The following SEMA5A variants were observed in gnomAD, a reference collection of about 807,000 sequenced individuals.
SEMA5A encodes semaphorin 5A.
Under a neutral mutation model 135.5 loss-of-function variants are expected in SEMA5A, and 55 were observed. That is an observed-to-expected ratio of 0.41 (90% CI 0.33 to 0.51). SEMA5A has a LOEUF of 0.51. Among genes scored for constraint, SEMA5A ranks in the 20% least tolerant of loss-of-function variants. SEMA5A has a pLI of 0.37. For synonymous variants in SEMA5A, 580 were observed against 546.5 expected (o/e 1.06, Z -0.85); for missense variants, 1,290 against 1,419.9 (o/e 0.91, Z 1.47).
chr5:9,152,870 G>C (rs182394442), intron 12 of SEMA5A, among the ~76,000 whole-genome samples: 1 of 152,182 alleles, frequency 6.6e-6, no homozygotes, highest in Non-Finnish European at 1.5e-5. Flanking sequence ...TCAGGAATTC[G>C]GGACCAGCCT....
At chr5:9,168,806 C>G (rs1381433073) in intron 11 of SEMA5A, among the ~76,000 whole-genome samples, 1 of 152,200 alleles carries the variant, frequency 6.6e-6, no homozygotes, top group Non-Finnish European at 1.5e-5. Context: ...TCAAATGCCC[C>G]TGGAACAAAG....
At chr5:9,141,396 T>C (rs1195627737) in intron 12 of SEMA5A, among the ~76,000 whole-genome samples, 2 of 152,230 alleles carry the variant, frequency 1.3e-5, no homozygotes, top group Non-Finnish European at 2.9e-5. Context: ...TAGCATCATT[T>C]TGTACCCCAT....
intron 2 of SEMA5A, among the ~76,000 whole-genome samples, chr5:9,418,756 G>A (rs1255466681): frequency 6.6e-6 from 1 of 152,158 alleles, no homozygotes; most frequent in Non-Finnish European, 1.5e-5. Context: ...TGCTGATGAG[G>A]ACCAGTAATG....
chr5:9,211,977 G>A (rs560372683), intron 8 of SEMA5A, among the ~76,000 whole-genome samples: 1 of 152,248 alleles, frequency 6.6e-6, no homozygotes, highest in East Asian at 1.9e-4. Flanking sequence ...GAGTTCCCTG[G>A]GAGAACTCAG....
chr5:9,081,825 T>C (rs1226190663), intron 16 of SEMA5A, among the ~76,000 whole-genome samples: 1 of 152,222 alleles, frequency 6.6e-6, no homozygotes, highest in African/African-American at 2.4e-5. Flanking sequence ...TCCACTATTT[T>C]TGAGGGAAAT....
intron 5 of SEMA5A, among the ~76,000 whole-genome samples, chr5:9,314,933 G>A (rs754122411): frequency 6.6e-6 from 1 of 152,096 alleles, no homozygotes; most frequent in Non-Finnish European, 1.5e-5. Flanking sequence ...TCACCACGTG[G>A]TGGTACTGAT....
chr5:9,346,964 G>C (rs1284954549), intron 3 of SEMA5A, among the ~76,000 whole-genome samples: 1 of 151,352 alleles, frequency 6.6e-6, no homozygotes, highest in Non-Finnish European at 1.5e-5. Context: ...AGATATTATA[G>C]ACACTTAATA....
intron 5 of SEMA5A, among the ~76,000 whole-genome samples, chr5:9,268,349 T>C (rs1229241461): frequency 6.6e-6 from 1 of 152,146 alleles, no homozygotes; most frequent in African/African-American, 2.4e-5. Flanking sequence ...GTGTGGAAGA[T>C]GTGCACAGCT....
chr5:9,431,029 T>C (rs142323537), intron 2 of SEMA5A, among the ~76,000 whole-genome samples: 3,903 of 152,204 alleles, frequency 0.026, 59 homozygotes, highest in South Asian at 0.047. Flanking sequence ...GCTTAAGTAC[T>C]GTAGGAGCAA....
chr5:9,471,082 C>G (rs554025942), intron 1 of SEMA5A, among the ~76,000 whole-genome samples: 1 of 152,186 alleles, frequency 6.6e-6, no homozygotes, highest in South Asian at 2.1e-4. Flanking sequence ...TCAGGACCCT[C>G]TGAGAACTGA....
At chr5:9,295,929 T>C (rs1464239029) in intron 5 of SEMA5A, among the ~76,000 whole-genome samples, 2 of 152,188 alleles carry the variant, frequency 1.3e-5, no homozygotes, top group Non-Finnish European at 2.9e-5. Context: ...CTCATCCAAA[T>C]ATCACCCAAT....
intron 9 of SEMA5A, among the ~76,000 whole-genome samples, chr5:9,198,286 T>C (rs1745524971): frequency 6.6e-6 from 1 of 152,208 alleles, no homozygotes; most frequent in East Asian, 1.9e-4. Context: ...TTCCAAGGAC[T>C]TTACTAATTC....
intron 16 of SEMA5A, among the ~76,000 whole-genome samples, chr5:9,090,949 C>T (rs895739790): frequency 2.6e-5 from 4 of 152,180 alleles, no homozygotes; most frequent in African/African-American, 4.8e-5. Flanking sequence ...CTGCAAAGTG[C>T]CAGGCTTGTA....
At chr5:9,054,005 G>C in intron 19 of SEMA5A, 82 bp downstream of exon 19, 1 of 1,453,984 alleles carries the variant, frequency 6.9e-7, no homozygotes. Flanking sequence ...CCATGATGCA[G>C]TATCATCAAT....
At chr5:9,185,188 G>A (rs558773972) in intron 11 of SEMA5A, among the ~76,000 whole-genome samples, 6 of 152,178 alleles carry the variant, frequency 3.9e-5, no homozygotes, top group East Asian at 1.9e-4. Context: ...TTGTCCTCCC[G>A]AAGTTCTGGG....
In SEMA5A at chr5:9,485,391, G is replaced by C. The variant is rs145952803; in HGVS notation, c.-174-47539C>G. Among the ~76,000 whole-genome samples, 497 of 152,280 alleles carry C rather than the reference G, an allele frequency of 3.3e-3. 4 individuals are homozygous for C. Among genetic ancestry groups the C allele is most frequent in the African/African-American group, 0.012 (484 of 41,550 alleles). ...AAGAAACCTGGCTCATCTTAACAGA[G>C]GAAATTGCAGCCTCAGAAATGAACT... On this transcript the variant is annotated intron_variant, in intron 1 of 22. Coordinates refer to ENST00000382496, the MANE Select transcript of SEMA5A (RefSeq NM_003966.3).
At chr5:9,288,705 T>C (rs182952010) in intron 5 of SEMA5A, among the ~76,000 whole-genome samples, 1 of 152,318 alleles carries the variant, frequency 6.6e-6, no homozygotes, top group African/African-American at 2.4e-5. Flanking sequence ...AATAAGTCTT[T>C]TCTCCAACAT....
intron 16 of SEMA5A, among the ~76,000 whole-genome samples, chr5:9,100,703 C>T (rs1245160386): frequency 6.6e-6 from 1 of 151,980 alleles, no homozygotes; most frequent in Non-Finnish European, 1.5e-5. Flanking sequence ...AGCTATGATG[C>T]CAGAATTTTC....
At chr5:9,274,620 T>TA (rs756564117) in intron 5 of SEMA5A, among the ~76,000 whole-genome samples, 106 of 152,284 alleles carry the variant, frequency 7.0e-4, no homozygotes, top group Non-Finnish European at 1.4e-3. Context: ...ATGGAAATCA[T>TA]AAAAAACTGT....
Sources: gnomAD v4.1 joint callset for allele counts (sites outside exome capture counted in the v4.1 genomes callset) on GRCh38, gnomAD v4.1.1 for gene constraint, MANE v1.5 for transcripts, NCBI Gene and HGNC (gene_info 2026-07-23, HGNC 2026-07-21) for gene names.